ROBO1: variants seen among roughly 807,000 people sequenced by gnomAD.
The protein encoded by ROBO1 is roundabout homolog 1.
A neutral mutation model predicts 195.9 loss-of-function variants in ROBO1; 149 were observed. The ratio of observed to expected loss-of-function variants is 0.76; its 90% CI spans 0.67 to 0.87. The LOEUF (loss-of-function observed/expected upper bound fraction) is 0.87. Ranked by LOEUF, ROBO1 falls within the 40% of genes least tolerant of loss-of-function variation. The pLI is 0.00. For synonymous variants in ROBO1, 816 were observed against 733.2 expected (o/e 1.11, Z -1.82); for missense variants, 1,933 against 2,068.3 (o/e 0.93, Z 1.27).
chr3:79,434,856 A>G (rs2038824326), intron 2 of ROBO1, among the ~76,000 whole-genome samples: 1 of 152,234 alleles, frequency 6.6e-6, no homozygotes, highest in African/African-American at 2.4e-5. Flanking sequence ...AATATGGCAC[A>G]TATACACCAT....
chr3:78,611,754 T>C (rs547065426), intron 28 of ROBO1, among the ~76,000 whole-genome samples: 1 of 152,254 alleles, frequency 6.6e-6, no homozygotes, highest in African/African-American at 2.4e-5. Context: ...AAAGAGGTAA[T>C]GAAGTTAAAA....
At chr3:79,047,687 A>T (rs1258570859) in intron 3 of ROBO1, among the ~76,000 whole-genome samples, 2 of 152,144 alleles carry the variant, frequency 1.3e-5, no homozygotes, top group Non-Finnish European at 2.9e-5. Flanking sequence ...AATTAATAGT[A>T]TGTCATGTGT....
At chr3:79,038,131 C>T (rs78134276) in intron 3 of ROBO1, among the ~76,000 whole-genome samples, 2,425 of 152,230 alleles carry the variant, frequency 0.016, 76 homozygotes, top group African/African-American at 0.055. Context: ...CAGTTACACA[C>T]TGGAATCTAA....
At chr3:78,655,342 A>G (rs1177304823) in intron 18 of ROBO1, among the ~76,000 whole-genome samples, 1 of 152,124 alleles carries the variant, frequency 6.6e-6, no homozygotes, top group African/African-American at 2.4e-5. Flanking sequence ...TACCCCATTC[A>G]TTTGCTTGCA....
At chr3:79,387,019 G>A (rs1420310033) in intron 2 of ROBO1, among the ~76,000 whole-genome samples, 4 of 152,104 alleles carry the variant, frequency 2.6e-5, no homozygotes, top group Non-Finnish European at 5.9e-5. Flanking sequence ...AGCTCACTGG[G>A]GTAGAGTCAC....
At chr3:79,150,725 C>T (rs901042085) in intron 2 of ROBO1, among the ~76,000 whole-genome samples, 1 of 151,774 alleles carries the variant, frequency 6.6e-6, no homozygotes, top group Non-Finnish European at 1.5e-5. Context: ...CAGGTTTACA[C>T]ATAAATATTT....
chr3:78,881,690 T>C, intron 4 of ROBO1, among the ~76,000 whole-genome samples: 1 of 152,172 alleles, frequency 6.6e-6, no homozygotes, highest in Middle Eastern at 3.2e-3. Flanking sequence ...GATTTTATTA[T>C]CGACTGCATC....
chr3:78,934,556 A>C (rs909241361), intron 4 of ROBO1, among the ~76,000 whole-genome samples: 1 of 151,992 alleles, frequency 6.6e-6, no homozygotes, highest in Non-Finnish European at 1.5e-5. Context: ...ACATATATGC[A>C]TGTATTTTCA....
At chr3:79,564,437 GA>G (rs374146644) in intron 2 of ROBO1, among the ~76,000 whole-genome samples, 12 of 151,944 alleles carry the variant, frequency 7.9e-5, no homozygotes, top group African/African-American at 2.9e-4. Flanking sequence ...AAATAAACTT[GA>G]GAGGTCATTT....
At chr3:79,756,550 C>CAAA (rs147939503) in intron 1 of ROBO1, among the ~76,000 whole-genome samples, 40 of 106,356 alleles carry the variant, frequency 3.8e-4, no homozygotes, top group African/African-American at 7.1e-4. Flanking sequence ...AGCACCATCT[C>CAAA]AAAAAAAAAA....
intron 4 of ROBO1, among the ~76,000 whole-genome samples, chr3:78,878,096 A>G (rs2035960032): frequency 6.6e-6 from 1 of 152,122 alleles, no homozygotes; most frequent in Admixed American, 6.6e-5. Flanking sequence ...ATTAAAAATG[A>G]TAGTACTTTA....
At chr3:79,390,283 G>C (rs931443355) in intron 2 of ROBO1, among the ~76,000 whole-genome samples, 2 of 151,702 alleles carry the variant, frequency 1.3e-5, no homozygotes, top group Non-Finnish European at 2.9e-5. Context: ...TACCGGCTCT[G>C]AAACAACAAC....
intron 1 of ROBO1, among the ~76,000 whole-genome samples, chr3:79,625,454 A>T (rs1367481100): frequency 4.5e-5 from 6 of 133,106 alleles, no homozygotes; most frequent in South Asian, 2.5e-4. Context: ...AGCAAAATAG[A>T]CCACTAGCTA....
chr3:79,010,274 T>C (rs918917621), intron 3 of ROBO1, among the ~76,000 whole-genome samples: 5 of 152,092 alleles, frequency 3.3e-5, no homozygotes, highest in Non-Finnish European at 5.9e-5. Flanking sequence ...AAGCAAGAAT[T>C]CTGAGATGAG....
intron 4 of ROBO1, among the ~76,000 whole-genome samples, chr3:78,860,323 TA>T (rs1256903729): frequency 4.8e-3 from 320 of 66,862 alleles, no homozygotes; most frequent in South Asian, 0.028. Context: ...TATATATATA[TA>T]TATTTTTTTT....
intron 7 of ROBO1, among the ~76,000 whole-genome samples, chr3:78,716,209 G>C (rs912887111): frequency 2.6e-5 from 4 of 152,056 alleles, no homozygotes; most frequent in African/African-American, 9.7e-5. Context: ...TTACCTTTAT[G>C]TGACAAAAGA....
intron 19 of ROBO1, among the ~76,000 whole-genome samples, chr3:78,650,315 C>T (rs1351444634): frequency 6.6e-6 from 1 of 152,058 alleles, no homozygotes; most frequent in Non-Finnish European, 1.5e-5. Context: ...TGACATACTG[C>T]TTCATCCCTA....
chr3:79,483,831 G>A (rs1352546132), intron 2 of ROBO1, among the ~76,000 whole-genome samples: 1 of 151,968 alleles, frequency 6.6e-6, no homozygotes, highest in African/African-American at 2.4e-5. Flanking sequence ...GGGGGTGGGG[G>A]AACCAAAAAG....
intron 4 of ROBO1, among the ~76,000 whole-genome samples, chr3:78,825,875 A>C (rs2031548115): frequency 6.6e-6 from 1 of 152,170 alleles, no homozygotes. Flanking sequence ...ATTAAATAAA[A>C]GGAATGATGA....
Sources: gnomAD v4.1 joint callset for allele counts (sites outside exome capture counted in the v4.1 genomes callset) on GRCh38, gnomAD v4.1.1 for gene constraint, MANE v1.5 for transcripts, NCBI Gene and HGNC (gene_info 2026-07-23, HGNC 2026-07-21) for gene names.